WDR31: variants seen among roughly 807,000 people sequenced by gnomAD.
The protein encoded by WDR31 is WD repeat-containing protein 31.
In WDR31, 30 loss-of-function variants were observed where a neutral mutation model predicts 47.3. The ratio of observed to expected loss-of-function variants is 0.63; its 90% confidence interval spans 0.47 to 0.86. WDR31 has a LOEUF of 0.86. Ranked by LOEUF, WDR31 falls within the 40% of genes least tolerant of loss-of-function variation. WDR31 has a pLI of 0.00. For missense variants in WDR31, 406 were observed against 442.9 expected (o/e 0.92, Z 0.75); for synonymous variants, 137 against 159.4 (o/e 0.86, Z 1.06).
At position 113,315,601 on chromosome 9, in the gene WDR31, C is replaced by T. The variant is rs556206059; in HGVS notation, c.*1148G>A. On this transcript the variant is annotated 3_prime_UTR_variant, in exon 11 of 11. Coordinates refer to ENST00000374193, the MANE Select transcript of WDR31 (RefSeq NM_001012361.4). ...GGCCTGAGCACCTTGCCCCTCCTCACTGAAGGGGGCTTAATGTCTGGGGCA... is the reference window on the plus strand; with the variant it reads ...GGCCTGAGCACCTTGCCCCTCCTCATTGAAGGGGGCTTAATGTCTGGGGCA... The T allele has an allele frequency of 2.6e-5, 4 of 152,312 alleles. No homozygotes were observed. In the South Asian group the frequency reaches 8.3e-4, roughly 32 times the overall value. 9.4% of individuals were successfully genotyped at this position (152,312 alleles called of 1,614,324 possible).
At position 113,315,781 on chromosome 9, in the gene WDR31, C is replaced by G. The variant is rs951013732; in HGVS notation, c.*968G>C. On this transcript the variant is annotated 3_prime_UTR_variant, in exon 11 of 11. Coordinates refer to ENST00000374193, the MANE Select transcript of WDR31 (RefSeq NM_001012361.4). ...TCCCAGGTTCAAGTGATTCTCCCATCTCAGCCTCCCGAGTAGCTGGGACTA... is the reference window on the plus strand; with the variant it reads ...TCCCAGGTTCAAGTGATTCTCCCATGTCAGCCTCCCGAGTAGCTGGGACTA... 6.6e-6 allele frequency: 1 copy of G among 151,992 alleles called. No individual in the cohort carries two copies. Among genetic ancestry groups the G allele is most frequent in the Non-Finnish European group, 1.5e-5 (1 of 68,112 alleles). The allele number at this position is 151,992 out of a possible 1,614,324, so 9.4% of individuals were successfully genotyped here.
intron 4 of WDR31, among the ~76,000 whole-genome samples, chr9:113,329,331 GTT>G (rs61111179): frequency 3.4e-5 from 5 of 145,656 alleles, no homozygotes; most frequent in Non-Finnish European, 7.6e-5. Flanking sequence ...TTGTTGTGGT[GTT>G]TTTTTTTTTT....
chr9:113,329,644 C>T (rs1351490766), intron 4 of WDR31, among the ~76,000 whole-genome samples: 4 of 151,530 alleles, frequency 2.6e-5, no homozygotes, highest in East Asian at 1.9e-4. Flanking sequence ...TATGATACTT[C>T]GATGCATCCT....
At chr9:113,337,803 G>A (rs1833749561) in intron 1 of WDR31, among the ~76,000 whole-genome samples, 1 of 152,158 alleles carries the variant, frequency 6.6e-6, no homozygotes, top group African/African-American at 2.4e-5. Flanking sequence ...TTCCATTAGG[G>A]ATGCTCAACC....
chr9:113,325,211 T>A (rs1288527190), intron 5 of WDR31, among the ~76,000 whole-genome samples: 4 of 152,118 alleles, frequency 2.6e-5, no homozygotes, highest in African/African-American at 9.7e-5. Flanking sequence ...CGCCTTGGCC[T>A]CCTAAACTGC....
Position 113,316,810 on chromosome 9 carries a change from A to C in WDR31, c.1043T>G (p.Ile348Ser), listed in dbSNP as rs200348508. 1 of 1,614,154 alleles carries C rather than the reference A, an allele frequency of 6.2e-7. No homozygotes were observed. The highest frequency in any genetic ancestry group is 2.2e-5 in the East Asian group (1 of 44,876). The part of the protein sequence containing the change: ...SLLCASFNRG[I>S]HLLRMDHSQG... ...GCTGTGGTCCATTCTGAGTAAGTGA[A>C]TTCCTCTGTTAAAACTTGCACACAA... is the stretch of plus-strand genomic sequence containing the variant. Residue 348 changes from isoleucine to serine, a missense_variant, in exon 11 of 11, where the codon ATT (isoleucine) becomes AGT (serine). Transcript: ENST00000374193.
At position 113,322,921 on chromosome 9, in the gene WDR31, C is replaced by T; in HGVS notation, c.470-10G>A. ...CACAGCTGTGATGAGTCTTTGGAAA[C>T]AATGGTGAGAAGACAGCCTGTGAGT... On this transcript the variant is annotated splice_polypyrimidine_tract_variant and intron_variant, in intron 6 of 10. Coordinates refer to ENST00000374193, the MANE Select transcript of WDR31 (RefSeq NM_001012361.4). 3 of 1,614,074 alleles carry T rather than the reference C, an allele frequency of 1.9e-6. No individual in the cohort carries two copies. Among genetic ancestry groups the T allele is most frequent in the Non-Finnish European group, 1.7e-6 (2 of 1,180,000 alleles).
At chr9:113,323,197 T>G in intron 5 of WDR31, 42 bp from the exon 6 acceptor site, 1 of 1,594,896 alleles carries the variant, frequency 6.3e-7, no homozygotes, top group Non-Finnish European at 8.5e-7. Flanking sequence ...AGCTCTGGTA[T>G]GCTAGTTGGA....
intron 2 of WDR31, 72 bp from the exon 3 acceptor site, chr9:113,332,122 C>A (rs923879465): frequency 2.9e-6 from 3 of 1,030,474 alleles, no homozygotes; most frequent in Non-Finnish European, 4.3e-6. Flanking sequence ...AAAATAAATC[C>A]TTTTTTAGAC....
At chr9:113,340,153 C>G (rs1833800386) in intron 1 of WDR31, 64 bp downstream of exon 1, 1 of 152,336 alleles carries the variant, frequency 6.6e-6, no homozygotes. Flanking sequence ...GACCAAAGGG[C>G]GAGGGTTGCC....
At chr9:113,330,803 A>G (rs975002132) in intron 4 of WDR31, among the ~76,000 whole-genome samples, 181 bp downstream of exon 4, 3 of 152,150 alleles carry the variant, frequency 2.0e-5, no homozygotes, top group African/African-American at 4.8e-5. Context: ...AAATTTAAAG[A>G]CTTGTCCAAA....
At chr9:113,339,138 T>G (rs1420134292) in intron 1 of WDR31, among the ~76,000 whole-genome samples, 1 of 152,130 alleles carries the variant, frequency 6.6e-6, no homozygotes, top group Non-Finnish European at 1.5e-5. Context: ...TTCTTTCTAT[T>G]CCAATCTGCT....
At chr9:113,322,952 C>G in intron 6 of WDR31, 41 bp from the exon 7 acceptor site, 1 of 1,613,862 alleles carries the variant, frequency 6.2e-7, no homozygotes, top group Non-Finnish European at 8.5e-7. Context: ...TGAGTGGGGA[C>G]CTGAACGGGG....
intron 7 of WDR31, 26 bp downstream of exon 7, chr9:113,322,785 G>A (rs1303956496): frequency 6.2e-6 from 10 of 1,611,456 alleles, no homozygotes; most frequent in Non-Finnish European, 8.5e-6. Context: ...CTGCTGCCCT[G>A]TTCTGTACCA....
At chr9:113,326,883 C>G (rs1430300952) in intron 5 of WDR31, among the ~76,000 whole-genome samples, 2 of 152,078 alleles carry the variant, frequency 1.3e-5, no homozygotes, top group African/African-American at 2.4e-5. Flanking sequence ...GTCGCCAAGG[C>G]TGGATGCAGT....
chr9:113,327,473 ACT>A (rs1833501513), intron 5 of WDR31, among the ~76,000 whole-genome samples: 1 of 152,150 alleles, frequency 6.6e-6, no homozygotes, highest in Non-Finnish European at 1.5e-5. Flanking sequence ...ATGCACACAC[ACT>A]CACACACAGT....
chr9:113,338,800 T>C (rs142721600), intron 1 of WDR31, among the ~76,000 whole-genome samples: 528 of 152,224 alleles, frequency 3.5e-3, no homozygotes, highest in Non-Finnish European at 5.8e-3. Flanking sequence ...GTGTTTTTAG[T>C]AGAGACAGGA....
rs1235609106 is a variant in WDR31 at position 113,315,500 on chromosome 9, GA to G, written c.*1248del. On this transcript the variant is annotated 3_prime_UTR_variant, in exon 11 of 11. Transcript: ENST00000374193. ...GTGTGGGCATCTCTGAAGGCAGAAA[GA>G]ACTCCATTTTCCCTGGAGGAAAATG... The G allele has an allele frequency of 6.6e-6, 1 of 152,116 alleles. No individual in the cohort carries two copies. Among genetic ancestry groups the G allele is most frequent in the African/African-American group, 2.4e-5 (1 of 41,406 alleles). 9.4% of individuals were successfully genotyped at this position (152,116 alleles called of 1,614,324 possible). A position where few individuals can be genotyped will look rare whatever the true frequency, so the allele number is the denominator to read the frequency against.
rs375844953 is a variant in WDR31 at position 113,322,957 on chromosome 9, A to T, written c.470-46T>A. ...AGACAGCCTGTGAGTGGGGACCTGA[A>T]CGGGGCTTTTCAGAAAGCACAAAGG... On this transcript the variant is annotated intron_variant, in intron 6 of 10. Transcript: ENST00000374193. 4.9e-4 allele frequency: 795 copies of T among 1,613,942 alleles called. 5 individuals are homozygous for T. Among genetic ancestry groups the T allele is most frequent in the Non-Finnish European group, 4.4e-4 (523 of 1,179,902 alleles).
Sources: gnomAD v4.1 joint callset for allele counts (sites outside exome capture counted in the v4.1 genomes callset) on GRCh38, gnomAD v4.1.1 for gene constraint, MANE v1.5 for transcripts, NCBI Gene and HGNC (gene_info 2026-07-23, HGNC 2026-07-21) for gene names.